Variants in DLG2 observed in about 807,000 individuals in gnomAD.
DLG2 encodes disks large homolog 2.
Under a neutral mutation model 132.5 loss-of-function variants are expected in DLG2, and 45 were observed. That is an observed-to-expected ratio of 0.34 (90% CI 0.27 to 0.44). DLG2 has a LOEUF of 0.44. DLG2 is among the 20% of genes least tolerant of loss of function. The pLI is 1.00. For synonymous variants in DLG2, 424 were observed against 419.6 expected (o/e 1.01, Z -0.13); for missense variants, 1,045 against 1,196.9 (o/e 0.87, Z 1.87).
intron 6 of DLG2, among the ~76,000 whole-genome samples, chr11:85,005,017 G>C (rs1220423283): frequency 6.6e-6 from 1 of 152,156 alleles, no homozygotes; most frequent in African/African-American, 2.4e-5. Flanking sequence ...TGTCAGGTTT[G>C]TCTAAGATCA....
At chr11:84,037,427 A>C (rs561059431) in intron 11 of DLG2, among the ~76,000 whole-genome samples, 1 of 152,242 alleles carries the variant, frequency 6.6e-6, no homozygotes, top group South Asian at 2.1e-4. Context: ...TTTTAGTTAG[A>C]GAATAGGTTT....
intron 6 of DLG2, among the ~76,000 whole-genome samples, chr11:84,862,569 C>G (rs1227596454): frequency 1.3e-5 from 2 of 151,984 alleles, no homozygotes; most frequent in Admixed American, 6.6e-5. Context: ...TGAAACCAAC[C>G]CAAATGACCA....
intron 6 of DLG2, among the ~76,000 whole-genome samples, chr11:84,940,985 T>C (rs1312162059): frequency 6.6e-6 from 1 of 152,220 alleles, no homozygotes; most frequent in African/African-American, 2.4e-5. Flanking sequence ...AAAGAGACTG[T>C]CCTTTCCCCA....
chr11:83,922,163 T>C (rs532321420), intron 15 of DLG2, among the ~76,000 whole-genome samples: 1 of 152,240 alleles, frequency 6.6e-6, no homozygotes, highest in Non-Finnish European at 1.5e-5. Flanking sequence ...TATCAAAAAA[T>C]AGTGAGGGAC....
At chr11:84,885,443 T>C (rs1317450476) in intron 6 of DLG2, among the ~76,000 whole-genome samples, 3 of 152,018 alleles carry the variant, frequency 2.0e-5, no homozygotes, top group African/African-American at 4.8e-5. Context: ...CAAGTGATCC[T>C]CCTGCCTCAG....
chr11:85,479,543 T>C (rs779947708), intron 3 of DLG2, among the ~76,000 whole-genome samples: 71 of 152,350 alleles, frequency 4.7e-4, no homozygotes, highest in Middle Eastern at 3.4e-3. Context: ...TAAACACTTA[T>C]GAATCAGTAT....
At chr11:84,753,205 C>G (rs2066408355) in intron 6 of DLG2, among the ~76,000 whole-genome samples, 1 of 152,136 alleles carries the variant, frequency 6.6e-6, no homozygotes, top group Non-Finnish European at 1.5e-5. Context: ...AGAAGAGAGA[C>G]AGATTAGTCT....
At chr11:84,164,856 C>T (rs971654383) in intron 8 of DLG2, among the ~76,000 whole-genome samples, 2 of 152,190 alleles carry the variant, frequency 1.3e-5, no homozygotes, top group African/African-American at 2.4e-5. Flanking sequence ...TACTGTTTTA[C>T]TACATTATCA....
At chr11:85,500,291 A>G (rs1249109240) in intron 3 of DLG2, among the ~76,000 whole-genome samples, 1 of 141,218 alleles carries the variant, frequency 7.1e-6, no homozygotes, top group Non-Finnish European at 1.5e-5. Context: ...TATCGCAAGA[A>G]CAAAAAACCA....
At chr11:84,928,976 GTGTGTGTA>G (rs1189303778) in intron 6 of DLG2, among the ~76,000 whole-genome samples, 4 of 30,116 alleles carry the variant, frequency 1.3e-4, no homozygotes, top group Non-Finnish European at 3.1e-4. Context: ...GTGTGTGTGT[GTGTGTGTA>G]TATATATATA....
At chr11:83,616,927 T>C (rs1455585670) in intron 19 of DLG2, among the ~76,000 whole-genome samples, 1 of 152,198 alleles carries the variant, frequency 6.6e-6, no homozygotes, top group Non-Finnish European at 1.5e-5. Flanking sequence ...AGAGCAATTT[T>C]ACTTTTGTCA....
chr11:85,373,351 G>A (rs2085141425), intron 3 of DLG2, among the ~76,000 whole-genome samples: 1 of 152,148 alleles, frequency 6.6e-6, no homozygotes, highest in Admixed American at 6.5e-5. Flanking sequence ...AGCCTCAGAT[G>A]ATGGCCCCTC....
At chr11:84,317,994 A>G (rs1175740320) in intron 7 of DLG2, among the ~76,000 whole-genome samples, 1 of 152,200 alleles carries the variant, frequency 6.6e-6, no homozygotes, top group Non-Finnish European at 1.5e-5. Context: ...GCTTATTTTA[A>G]AACAGTATTT....
Position 84,110,019 on chromosome 11 carries a change from T to C in DLG2, c.625-10972A>G, listed in dbSNP as rs560741848. Among the ~76,000 whole-genome samples, 313 of 152,294 alleles carry C rather than the reference T, an allele frequency of 2.1e-3. 1 individual carries two copies. The highest frequency in any genetic ancestry group is 7.1e-3 in the African/African-American group (294 of 41,552). On this transcript the variant is annotated intron_variant, in intron 9 of 27. Coordinates refer to ENST00000376104, the MANE Select transcript of DLG2 (RefSeq NM_001142699.3). ...ATCACTCTCTAGTTTAGAACATCTT[T>C]AGTTCTCCTCATTGGTTTTCTGGCT...
At chr11:84,546,643 C>T (rs1487168457) in intron 6 of DLG2, 1 of 531,358 alleles carries the variant, frequency 1.9e-6, no homozygotes, top group Non-Finnish European at 3.6e-6. Context: ...GCTGCATCCA[C>T]CTCCTCCACA....
At chr11:85,123,580 A>G (rs935161002) in intron 5 of DLG2, among the ~76,000 whole-genome samples, 2 of 152,238 alleles carry the variant, frequency 1.3e-5, no homozygotes, top group African/African-American at 4.8e-5. Flanking sequence ...AGCACAGAGC[A>G]GAGTAGGAGA....
chr11:84,746,743 A>C (rs377263066), intron 6 of DLG2, among the ~76,000 whole-genome samples: 25 of 152,350 alleles, frequency 1.6e-4, no homozygotes, highest in Middle Eastern at 6.8e-3. Context: ...TTAAACAATA[A>C]GAATATTTGT....
At chr11:85,595,608 T>A (rs922082854) in intron 3 of DLG2, among the ~76,000 whole-genome samples, 1 of 152,124 alleles carries the variant, frequency 6.6e-6, no homozygotes, top group Non-Finnish European at 1.5e-5. Context: ...TTAAAGTGAC[T>A]TTTTCTACTC....
At chr11:83,956,725 T>C (rs1252415209) in intron 14 of DLG2, among the ~76,000 whole-genome samples, 1 of 152,216 alleles carries the variant, frequency 6.6e-6, no homozygotes, top group Admixed American at 6.5e-5. Context: ...TTTAAGTCAT[T>C]AAATGTAAAC....
Sources: allele counts gnomAD v4.1 joint callset (sites outside exome capture counted in the v4.1 genomes callset), GRCh38; gene constraint gnomAD v4.1.1; transcripts MANE v1.5; gene names NCBI Gene and HGNC (gene_info 2026-07-23, HGNC 2026-07-21).